Variants in RBPJ observed in about 807,000 individuals in gnomAD.
The protein encoded by RBPJ is recombination signal binding protein for immunoglobulin kappa J region, also known as recombining binding protein suppressor of hairless.
In RBPJ, 9 loss-of-function variants were observed where a neutral mutation model predicts 67.8. The observed-to-expected ratio is 0.13, with a 90% confidence interval of 0.08 to 0.23. The LOEUF (loss-of-function observed/expected upper bound fraction) is 0.23. Among genes scored for constraint, RBPJ ranks in the 10% least tolerant of loss-of-function variants. RBPJ has a pLI of 1.00. For synonymous variants in RBPJ, 198 were observed against 203.3 expected, an observed-to-expected ratio of 0.97 and a Z score of 0.22; for missense variants, 305 against 595.6, an observed-to-expected ratio of 0.51 and a Z score of 5.08.
chr4:26,134,774 C>A, the RBPJ span, among the ~76,000 whole-genome samples: 29 of 152,182 alleles, frequency 1.9e-4, no homozygotes, highest in Non-Finnish European at 3.4e-4. Flanking sequence ...AAGTACTTGA[C>A]ACACACAGTG....
intron 1 of RBPJ, among the ~76,000 whole-genome samples, chr4:26,210,281 C>G (rs73112591): frequency 6.6e-6 from 1 of 152,096 alleles, no homozygotes; most frequent in Admixed American, 6.6e-5. Flanking sequence ...TTTCCCTTTC[C>G]GCACAGGATC....
intron 1 of RBPJ, among the ~76,000 whole-genome samples, chr4:26,228,989 G>A (rs1001575407): frequency 6.6e-6 from 1 of 152,184 alleles, no homozygotes; most frequent in African/African-American, 2.4e-5. Flanking sequence ...ACTATTGGCT[G>A]ATGGTGCAAG....
intron 1 of RBPJ, among the ~76,000 whole-genome samples, chr4:26,249,711 C>T (rs1317858071): frequency 6.6e-6 from 1 of 152,046 alleles, no homozygotes; most frequent in Non-Finnish European, 1.5e-5. Flanking sequence ...GCTGCACCAA[C>T]CTAGTAACTT....
intron 1 of RBPJ, among the ~76,000 whole-genome samples, chr4:26,283,061 GCTGGGATTACAGGCA>G (rs2109277163): frequency 6.8e-6 from 1 of 147,958 alleles, no homozygotes; most frequent in Admixed American, 6.8e-5. Context: ...CTCCCAAGTA[GCTGGGATTACAGGCA>G]CCTGCCACCA....
At chr4:26,392,781 TTAAA>T (rs1365117747) in intron 2 of RBPJ, among the ~76,000 whole-genome samples, 3 of 152,214 alleles carry the variant, frequency 2.0e-5, no homozygotes, top group Admixed American at 1.3e-4. Context: ...ATTGCACACT[TTAAA>T]TAAGTGTATT....
intron 1 of RBPJ, among the ~76,000 whole-genome samples, chr4:26,178,538 G>A (rs1240789003): frequency 1.3e-5 from 2 of 149,444 alleles, no homozygotes; most frequent in Non-Finnish European, 3.0e-5. Context: ...AGCCTGGTAG[G>A]CAGAGATTGC....
chr4:26,192,106 T>A (rs1452630971), intron 1 of RBPJ, among the ~76,000 whole-genome samples: 2 of 152,002 alleles, frequency 1.3e-5, no homozygotes, highest in African/African-American at 4.8e-5. Flanking sequence ...CCTCCCAGGT[T>A]CAAGTGATTC....
chr4:26,377,473 A>G (rs1293968577), intron 1 of RBPJ, among the ~76,000 whole-genome samples: 1 of 152,238 alleles, frequency 6.6e-6, no homozygotes, highest in Non-Finnish European at 1.5e-5. Flanking sequence ...AAGGCAGACA[A>G]AATCATCAGG....
intron 1 of RBPJ, among the ~76,000 whole-genome samples, chr4:26,355,922 C>T (rs1727329237): frequency 6.6e-6 from 1 of 152,174 alleles, no homozygotes; most frequent in African/African-American, 2.4e-5. Context: ...ATTTCTTCTT[C>T]CACCTCTCAG....
At chr4:26,116,863 A>G in the RBPJ span, among the ~76,000 whole-genome samples, 1 of 152,204 alleles carries the variant, frequency 6.6e-6, no homozygotes, top group Non-Finnish European at 1.5e-5. Context: ...GCAGTTCCCA[A>G]TGCTCATGTG....
At chr4:26,134,166 C>A in the RBPJ span, among the ~76,000 whole-genome samples, 1 of 152,064 alleles carries the variant, frequency 6.6e-6, no homozygotes, top group Non-Finnish European at 1.5e-5. Flanking sequence ...TAAATGAACC[C>A]TATTTAGAGT....
At chr4:26,250,119 CTG>C (rs1315596084) in intron 1 of RBPJ, among the ~76,000 whole-genome samples, 1 of 151,578 alleles carries the variant, frequency 6.6e-6, no homozygotes, top group Non-Finnish European at 1.5e-5. Context: ...AATAGAAACT[CTG>C]TACCCATTAA....
chr4:26,351,196 A>G (rs1353271849), intron 1 of RBPJ, among the ~76,000 whole-genome samples: 4 of 152,204 alleles, frequency 2.6e-5, no homozygotes, highest in Admixed American at 6.5e-5. Flanking sequence ...TTTCAAAAGT[A>G]TATGTGGAAA....
At chr4:26,347,345 C>T (rs1033340206) in intron 1 of RBPJ, among the ~76,000 whole-genome samples, 2 of 152,126 alleles carry the variant, frequency 1.3e-5, no homozygotes, top group African/African-American at 4.8e-5. Flanking sequence ...TAGGCAGAGA[C>T]AGACTTGGCA....
At chr4:26,226,702 C>T (rs888773851) in intron 1 of RBPJ, among the ~76,000 whole-genome samples, 7 of 152,100 alleles carry the variant, frequency 4.6e-5, no homozygotes, top group African/African-American at 1.2e-4. Flanking sequence ...TCACTTGCTT[C>T]TGTGTGTGGT....
At chr4:26,219,969 G>A (rs571680105) in intron 1 of RBPJ, among the ~76,000 whole-genome samples, 1 of 150,982 alleles carries the variant, frequency 6.6e-6, no homozygotes, top group East Asian at 1.9e-4. Context: ...ATTTTTAGTA[G>A]AGACGGGGTT....
chr4:26,339,787 A>G (rs1334699774), intron 1 of RBPJ, among the ~76,000 whole-genome samples: 2 of 152,202 alleles, frequency 1.3e-5, no homozygotes, highest in African/African-American at 2.4e-5. Context: ...TGGGAGACCA[A>G]GGTGGGCGGA....
intron 1 of RBPJ, among the ~76,000 whole-genome samples, chr4:26,203,880 C>T (rs1021028514): frequency 6.6e-6 from 1 of 152,198 alleles, no homozygotes; most frequent in Non-Finnish European, 1.5e-5. Context: ...AGGTTCTGGT[C>T]CTGATGCTAC....
At chr4:26,187,636 C>A (rs1717320788) in intron 1 of RBPJ, among the ~76,000 whole-genome samples, 1 of 152,144 alleles carries the variant, frequency 6.6e-6, no homozygotes, top group Admixed American at 6.5e-5. Flanking sequence ...ATAACTGTTA[C>A]ACACTACTGG....
Sources: gnomAD v4.1 joint callset for allele counts (sites outside exome capture counted in the v4.1 genomes callset) on GRCh38, gnomAD v4.1.1 for gene constraint, MANE v1.5 for transcripts, NCBI Gene and HGNC (gene_info 2026-07-23, HGNC 2026-07-21) for gene names.